The following CSGALNACT1 variants were observed in gnomAD, a reference collection of about 807,000 sequenced individuals.
CSGALNACT1 encodes beta4GalNAcT-1.
In CSGALNACT1, 52 loss-of-function variants were observed where a neutral mutation model predicts 51.0. That is an observed-to-expected ratio of 1.02 (90% CI 0.82 to 1.29). CSGALNACT1 has a LOEUF of 1.29. CSGALNACT1 is among the 50% of genes most tolerant of loss of function. The pLI, the probability that CSGALNACT1 is intolerant of heterozygous loss-of-function variation, is 0.00. For missense variants in CSGALNACT1, 935 were observed against 679.2 expected, an observed-to-expected ratio of 1.38 and a Z score of -4.19; for synonymous variants, 341 against 254.4, an observed-to-expected ratio of 1.34 and a Z score of -3.24.
intron 1 of CSGALNACT1, among the ~76,000 whole-genome samples, chr8:19,614,619 C>T (rs1402248150): frequency 6.6e-6 from 1 of 152,046 alleles, no homozygotes; most frequent in Non-Finnish European, 1.5e-5. Context: ...TCTTTTTCAA[C>T]AGAGATTGGT....
chr8:19,444,922 G>C (rs991687452), intron 5 of CSGALNACT1, among the ~76,000 whole-genome samples: 2 of 152,170 alleles, frequency 1.3e-5, no homozygotes, highest in African/African-American at 4.8e-5. Flanking sequence ...GAGAATTCCA[G>C]ATGGAAGAAA....
rs200453810 is a variant in CSGALNACT1 at position 19,496,505 on chromosome 8, TA to T, written c.634+8695del. ...AGTAGACAAACTAATCAATAGGTTT[TA>T]AAGTATGATTTTATAAAGGAGTTTC... is the stretch of plus-strand genomic sequence containing the variant. On this transcript the variant is annotated intron_variant, in intron 4 of 9. Coordinates refer to ENST00000454498, the Ensembl canonical transcript of CSGALNACT1. Among the ~76,000 whole-genome samples, 953 of 152,324 alleles carry T rather than the reference TA, an allele frequency of 6.3e-3. 15 individuals carry two copies. Among genetic ancestry groups the T allele is most frequent in the African/African-American group, 0.021 (872 of 41,562 alleles).
chr8:19,524,578 T>C (rs2081316174), intron 3 of CSGALNACT1, among the ~76,000 whole-genome samples: 1 of 152,126 alleles, frequency 6.6e-6, no homozygotes, highest in African/African-American at 2.4e-5. Context: ...TAGGAAGAGT[T>C]GGGATTTTTT....
intron 3 of CSGALNACT1, among the ~76,000 whole-genome samples, chr8:19,543,951 T>A (rs1489542817): frequency 1.3e-5 from 2 of 152,218 alleles, no homozygotes; most frequent in African/African-American, 4.8e-5. Flanking sequence ...GGTGCCAGTA[T>A]TAAATTCTTC....
rs143893121 is a variant in CSGALNACT1 at position 19,422,206 on chromosome 8, T to C, written c.954-1688A>G. On this transcript the variant is annotated intron_variant, in intron 6 of 9. Transcript: ENST00000454498. ...CTTGTATATAATACACTTTTTCTTT[T>C]AGAGACAGGGTCTTGCTCTGTCACC... 2.8e-3 allele frequency among the ~76,000 whole-genome samples: 420 copies of C among 152,250 alleles called. 6 individuals are homozygous for C. Among genetic ancestry groups the C allele is most frequent in the South Asian group, 0.023 (111 of 4,824 alleles).
intron 1 of CSGALNACT1, among the ~76,000 whole-genome samples, chr8:19,623,090 T>G (rs2054026503): frequency 6.6e-6 from 1 of 152,190 alleles, no homozygotes; most frequent in African/African-American, 2.4e-5. Context: ...ACCTTCAACA[T>G]AAGGATATAG....
intron 4 of CSGALNACT1, among the ~76,000 whole-genome samples, chr8:19,480,310 T>G (rs1162956184): frequency 1.3e-5 from 2 of 152,182 alleles, no homozygotes; most frequent in East Asian, 3.9e-4. Context: ...TTGCCCTCTA[T>G]GTGTCCATGT....
chr8:19,605,398 T>C (rs2051227808), upstream of CSGALNACT1, among the ~76,000 whole-genome samples: 1 of 152,198 alleles, frequency 6.6e-6, no homozygotes, highest in Non-Finnish European at 1.5e-5. Flanking sequence ...ACGGTGCCAC[T>C]GCACTCCAGC....
chr8:19,731,912 G>T (rs567912266), intron 1 of CSGALNACT1, among the ~76,000 whole-genome samples: 6 of 152,196 alleles, frequency 3.9e-5, no homozygotes, highest in Admixed American at 3.9e-4. Flanking sequence ...TAACCAAGCT[G>T]TCAGGCCGTG....
At chr8:19,631,397 C>T (rs1462610092) in intron 1 of CSGALNACT1, among the ~76,000 whole-genome samples, 1 of 152,186 alleles carries the variant, frequency 6.6e-6, no homozygotes, top group African/African-American at 2.4e-5. Flanking sequence ...ACAGGCGGGT[C>T]TCTTGGATGT....
chr8:19,590,023 C>T lies in CSGALNACT1; in HGVS notation c.-297+1137G>A, dbSNP rs187557634. ...TAAAATCAGACCTCTCTAGGTTAGA[C>T]ATATTATAAATGAAAGAAAGAATTG... On this transcript the variant is annotated intron_variant, in intron 3 of 9. Coordinates refer to ENST00000454498, the Ensembl canonical transcript of CSGALNACT1. 7.2e-5 allele frequency among the ~76,000 whole-genome samples: 11 copies of T among 152,306 alleles called. No individual in the cohort carries two copies. In the East Asian group the frequency reaches 2.1e-3, roughly 29 times the overall value.
chr8:19,465,834 A>G (rs1021713520), intron 4 of CSGALNACT1, among the ~76,000 whole-genome samples: 3 of 143,410 alleles, frequency 2.1e-5, no homozygotes, highest in African/African-American at 8.0e-5. Flanking sequence ...TAACTGGTCA[A>G]TGAAGGCCTG....
At position 19,505,137 on chromosome 8, in the gene CSGALNACT1, C is replaced by G. The variant is rs559203444; in HGVS notation, c.634+64G>C. The G allele has an allele frequency of 1.8e-5, 28 of 1,595,554 alleles. 1 individual carries two copies. The South Asian group carries it at 1.8e-4, about 10-fold the overall frequency. ...GCCAGCCTCCTGGAGCTGGAACCTG[C>G]CTGGGTGCCAGGAACCCCCAATTCC... is the stretch of plus-strand genomic sequence containing the variant. On this transcript the variant is annotated intron_variant, in intron 4 of 9. Coordinates refer to ENST00000454498, the Ensembl canonical transcript of CSGALNACT1.
At chr8:19,732,057 C>A (rs2063723442) in intron 1 of CSGALNACT1, among the ~76,000 whole-genome samples, 1 of 152,198 alleles carries the variant, frequency 6.6e-6, no homozygotes. Context: ...ACAATCAATT[C>A]TAAATCCTCC....
chr8:19,578,857 A>G (rs1011739213), intron 3 of CSGALNACT1, among the ~76,000 whole-genome samples: 1 of 152,034 alleles, frequency 6.6e-6, no homozygotes, highest in South Asian at 2.1e-4. Context: ...ATCCTATCTG[A>G]TATCAAGACC....
chr8:19,437,756 G>A (rs768795535), intron 6 of CSGALNACT1, among the ~76,000 whole-genome samples: 22 of 152,132 alleles, frequency 1.4e-4, no homozygotes, highest in Admixed American at 5.2e-4. Context: ...TTTACATAGC[G>A]TTACTTTAAA....
chr8:19,705,401 T>C (rs1204117854), intron 1 of CSGALNACT1, among the ~76,000 whole-genome samples: 2 of 152,204 alleles, frequency 1.3e-5, no homozygotes, highest in African/African-American at 2.4e-5. Flanking sequence ...TGTTTTTGAA[T>C]AATATTTAGA....
chr8:19,573,933 T>C (rs1564107539), intron 3 of CSGALNACT1, among the ~76,000 whole-genome samples: 1 of 152,312 alleles, frequency 6.6e-6, no homozygotes, highest in East Asian at 1.9e-4. Flanking sequence ...GATACTTATT[T>C]TAATTTTTAG....
At chr8:19,683,495 G>C (rs1265077522), upstream of CSGALNACT1, among the ~76,000 whole-genome samples, 1 of 152,154 alleles carries the variant, frequency 6.6e-6, no homozygotes, top group African/African-American at 2.4e-5. Context: ...CACACCAATG[G>C]CAGCCAGTTA....
Sources: gnomAD v4.1 joint callset for allele counts (sites outside exome capture counted in the v4.1 genomes callset) on GRCh38, gnomAD v4.1.1 for gene constraint, MANE v1.5 for transcripts, NCBI Gene and HGNC (gene_info 2026-07-23, HGNC 2026-07-21) for gene names.